The following STIM1 variants were observed in gnomAD, a reference collection of about 807,000 sequenced individuals.
STIM1 encodes stromal interaction molecule 1.
In STIM1, 25 loss-of-function variants were observed where a neutral mutation model predicts 74.7. The ratio of observed to expected loss-of-function variants is 0.33; its 90% confidence interval spans 0.24 to 0.47. STIM1 has a LOEUF of 0.47. Among genes scored for constraint, STIM1 ranks in the 20% least tolerant of loss-of-function variants. STIM1 has a pLI of 1.00. For missense variants in STIM1, 728 were observed against 920.8 expected (o/e 0.79, Z 2.71); for synonymous variants, 328 against 348.8 (o/e 0.94, Z 0.66).
chr11:3,931,676 C>A (rs1190092597), intron 1 of STIM1, among the ~76,000 whole-genome samples: 1 of 152,196 alleles, frequency 6.6e-6, no homozygotes, highest in East Asian at 1.9e-4. Flanking sequence ...CTCTACATTT[C>A]ATACATTAAA....
chr11:3,973,449 G>C, intron 2 of STIM1: 1 of 319,228 alleles, frequency 3.1e-6, no homozygotes, highest in Non-Finnish European at 6.1e-6. Flanking sequence ...GCCCAGGCTG[G>C]AGTGCAGTGG....
chr11:3,975,994 A>G (rs2093444420), intron 2 of STIM1, among the ~76,000 whole-genome samples: 1 of 152,244 alleles, frequency 6.6e-6, no homozygotes, highest in South Asian at 2.1e-4. Context: ...CCCTATGAAT[A>G]AATGAAACTT....
chr11:4,082,293 A>G lies in STIM1; in HGVS notation c.1079A>G (p.Gln360Arg), dbSNP rs1211799645. The G allele has an allele frequency of 5.6e-6, 9 of 1,613,966 alleles. No homozygotes were observed. The highest frequency in any genetic ancestry group is 7.6e-6 in the Non-Finnish European group (9 of 1,180,024). ...WLQLTHEVEV[Q>R]YYNIKKQNAE... ...CAGCTGACACATGAGGTGGAGGTGC[A>G]ATATTACAACATCAAGAAGCAAAAT... is the stretch of plus-strand genomic sequence containing the variant. The change falls in exon 8 of 13, where the codon CAA becomes CGA. Residue 360 changes from glutamine to arginine, a missense_variant. This residue lies in a region of STIM1 where 131 missense variants were observed against 235.9 expected (regional missense o/e 0.56). Coordinates refer to ENST00000526596, the MANE Select transcript of STIM1 (RefSeq NM_001382567.1).
At chr11:3,974,298 C>A in intron 2 of STIM1, 1 of 295,198 alleles carries the variant, frequency 3.4e-6, no homozygotes, top group South Asian at 9.7e-5. Flanking sequence ...TAGAAAAAGC[C>A]ATTCTCGTTT....
At chr11:3,917,572 C>T (rs944965125) in intron 1 of STIM1, among the ~76,000 whole-genome samples, 2 of 151,884 alleles carry the variant, frequency 1.3e-5, no homozygotes, top group Admixed American at 6.6e-5. Flanking sequence ...GTAGCTGGGA[C>T]TACAGGCGCA....
intron 2 of STIM1, chr11:3,973,082 C>A: frequency 2.3e-6 from 1 of 437,412 alleles, no homozygotes; most frequent in Non-Finnish European, 4.5e-6. Context: ...TTTCCATAAT[C>A]CTGCCTCCAC....
intron 3 of STIM1, among the ~76,000 whole-genome samples, chr11:4,041,514 C>G (rs916351048): frequency 1.3e-5 from 2 of 151,842 alleles, no homozygotes; most frequent in African/African-American, 4.8e-5. Flanking sequence ...AAAAATGAGG[C>G]ACAAAATATT....
chr11:4,031,771 G>A (rs1424171559), intron 3 of STIM1, among the ~76,000 whole-genome samples: 1 of 152,090 alleles, frequency 6.6e-6, no homozygotes, highest in Non-Finnish European at 1.5e-5. Flanking sequence ...CTCCATTTAA[G>A]TCTTTTATCA....
chr11:3,872,847 T>A (rs916549603), intron 1 of STIM1, among the ~76,000 whole-genome samples: 6 of 152,120 alleles, frequency 3.9e-5, no homozygotes, highest in Non-Finnish European at 8.8e-5. Flanking sequence ...ATATGTGCCA[T>A]CTGGTTTACC....
At chr11:3,946,025 C>G (rs1463910417) in intron 1 of STIM1, among the ~76,000 whole-genome samples, 1 of 152,098 alleles carries the variant, frequency 6.6e-6, no homozygotes, top group African/African-American at 2.4e-5. Flanking sequence ...GGGATCCGCC[C>G]CCATGACCCA....
At chr11:4,061,477 G>A (rs1257290541) in intron 5 of STIM1, among the ~76,000 whole-genome samples, 2 of 152,166 alleles carry the variant, frequency 1.3e-5, no homozygotes, top group Non-Finnish European at 2.9e-5. Flanking sequence ...AATAATAATA[G>A]TTTTTAAAAA....
chr11:3,971,193 T>G (rs1289749517), intron 2 of STIM1, among the ~76,000 whole-genome samples: 1 of 144,674 alleles, frequency 6.9e-6, no homozygotes, highest in Non-Finnish European at 1.5e-5. Context: ...CTAGTCAACA[T>G]AGTGAGACCT....
intron 2 of STIM1, among the ~76,000 whole-genome samples, chr11:4,007,664 A>G (rs1394522394): frequency 6.6e-6 from 1 of 152,218 alleles, no homozygotes; most frequent in African/African-American, 2.4e-5. Context: ...TCCTGTCCTT[A>G]TCTCACTCTC....
At chr11:3,983,375 A>G (rs962016362) in intron 2 of STIM1, among the ~76,000 whole-genome samples, 1 of 152,186 alleles carries the variant, frequency 6.6e-6, no homozygotes, top group Non-Finnish European at 1.5e-5. Flanking sequence ...GGTATAGATG[A>G]CTTTTGAGAA....
intron 1 of STIM1, among the ~76,000 whole-genome samples, chr11:3,885,901 G>C (rs982277101): frequency 6.6e-6 from 1 of 152,210 alleles, no homozygotes; most frequent in Non-Finnish European, 1.5e-5. Flanking sequence ...GCCTCTGTAA[G>C]TGTTGGGATT....
chr11:3,905,188 G>A (rs1590550638), intron 1 of STIM1, among the ~76,000 whole-genome samples: 2 of 152,178 alleles, frequency 1.3e-5, no homozygotes, highest in East Asian at 3.9e-4. Flanking sequence ...TGAGTCATTG[G>A]TGACCATGGT....
At chr11:4,068,879 G>T (rs1300951811) in intron 5 of STIM1, among the ~76,000 whole-genome samples, 1 of 152,118 alleles carries the variant, frequency 6.6e-6, no homozygotes, top group Non-Finnish European at 1.5e-5. Flanking sequence ...CCTTAACTTG[G>T]TGGCTCTACC....
intron 1 of STIM1, among the ~76,000 whole-genome samples, chr11:3,965,723 A>T (rs1359628321): frequency 2.6e-5 from 4 of 152,340 alleles, no homozygotes; most frequent in South Asian, 2.1e-4. Context: ...AAACCATTGC[A>T]GGCTGGGCGT....
intron 2 of STIM1, among the ~76,000 whole-genome samples, chr11:4,021,516 A>G (rs2093955807): frequency 6.6e-6 from 1 of 152,180 alleles, no homozygotes; most frequent in African/African-American, 2.4e-5. Flanking sequence ...TGTGGATTTT[A>G]TTCCTGTGTT....
Sources: gnomAD v4.1 joint callset for allele counts (sites outside exome capture counted in the v4.1 genomes callset) on GRCh38, gnomAD v4.1.1 for gene constraint, gnomAD v4.1.1 regional missense constraint, MANE v1.5 for transcripts, NCBI Gene and HGNC (gene_info 2026-07-23, HGNC 2026-07-21) for gene names.